The following WASF3 variants were observed in gnomAD, a reference collection of about 807,000 sequenced individuals.
The protein encoded by WASF3 is WASP family member 3.
A neutral mutation model predicts 46.6 loss-of-function variants in WASF3; 11 were observed. The observed-to-expected ratio is 0.24, with a 90% confidence interval of 0.15 to 0.39. The LOEUF (loss-of-function observed/expected upper bound fraction) is 0.39, where lower values mean the gene tolerates loss of function less well. WASF3 is among the 10% of genes least tolerant of loss of function. The pLI, the probability that WASF3 is intolerant of heterozygous loss-of-function variation, is 1.00. For synonymous variants in WASF3, 242 were observed against 259.7 expected (o/e 0.93, Z 0.65); for missense variants, 576 against 669.8 (o/e 0.86, Z 1.55).
At chr13:26,595,669 A>C (rs1003755780) in intron 1 of WASF3, among the ~76,000 whole-genome samples, 5 of 152,092 alleles carry the variant, frequency 3.3e-5, no homozygotes, top group Admixed American at 6.5e-5. Flanking sequence ...CAGCCATCCT[A>C]TTCCTTGTCC....
intron 2 of WASF3, among the ~76,000 whole-genome samples, chr13:26,622,201 G>T (rs1429055036): frequency 6.6e-6 from 1 of 152,138 alleles, no homozygotes; most frequent in East Asian, 1.9e-4. Flanking sequence ...CCAGCACATA[G>T]AAGAGAGAAT....
intron 1 of WASF3, among the ~76,000 whole-genome samples, chr13:26,564,168 C>A (rs1879386404): frequency 6.6e-6 from 1 of 152,202 alleles, no homozygotes; most frequent in African/African-American, 2.4e-5. Context: ...CATGACCAAG[C>A]TGCTGCCCTC....
chr13:26,554,096 C>CCTTCTTTCT, upstream of WASF3, among the ~76,000 whole-genome samples: 1 of 7,384 alleles, frequency 1.4e-4, no homozygotes, highest in East Asian at 5.6e-3. Flanking sequence ...TCCTTCCTTC[C>CCTTCTTTCT]TTCTTTCTTT....
chr13:26,622,688 T>A (rs1412446393), intron 2 of WASF3: 2 of 151,992 alleles, frequency 1.3e-5, no homozygotes, highest in East Asian at 3.9e-4. Flanking sequence ...GGAAGAAGAA[T>A]CACTTGAACC....
At chr13:26,671,768 G>A in intron 5 of WASF3, 104 bp from the exon 6 acceptor site, 2 of 740,498 alleles carry the variant, frequency 2.7e-6, no homozygotes, top group Non-Finnish European at 4.4e-6. Context: ...AGTGCCCCAT[G>A]TAGATGTTAT....
chr13:26,568,335 T>G (rs1879535621), intron 1 of WASF3, among the ~76,000 whole-genome samples: 1 of 152,086 alleles, frequency 6.6e-6, no homozygotes, highest in African/African-American at 2.4e-5. Context: ...GATGAATCAG[T>G]GGTTCCTGCC....
chr13:26,676,830 C>T, intron 7 of WASF3, 106 bp downstream of exon 7: 3 of 1,069,168 alleles, frequency 2.8e-6, no homozygotes, highest in East Asian at 2.7e-5. Context: ...TTTATATGGC[C>T]CTTGATGTCT....
At chr13:26,614,664 ATAGT>A (rs1566051491) in intron 2 of WASF3, among the ~76,000 whole-genome samples, 1 of 152,038 alleles carries the variant, frequency 6.6e-6, no homozygotes, top group Admixed American at 6.6e-5. Context: ...AAAAGGGGAG[ATAGT>A]TAAATTTTTT....
chr13:26,550,019 T>C, the WASF3 span, among the ~76,000 whole-genome samples: 12 of 152,174 alleles, frequency 7.9e-5, no homozygotes, highest in African/African-American at 2.7e-4. Context: ...TGTTGTACAT[T>C]TCTTTTAGGA....
intron 3 of WASF3, among the ~76,000 whole-genome samples, chr13:26,643,323 G>A (rs1353245797): frequency 5.3e-5 from 8 of 152,048 alleles, no homozygotes; most frequent in African/African-American, 1.9e-4. Flanking sequence ...CATATTGGTA[G>A]CCTCAAGCGA....
chr13:26,662,650 G>A (rs1252582570), intron 3 of WASF3, among the ~76,000 whole-genome samples: 2 of 152,224 alleles, frequency 1.3e-5, no homozygotes, highest in Non-Finnish European at 2.9e-5. Context: ...CTACTGGATG[G>A]GGAGAGAGGA....
chr13:26,560,679 G>A lies in WASF3; in HGVS notation c.-109+2860G>A, dbSNP rs79862529. Among the ~76,000 whole-genome samples the A allele has an allele frequency of 5.7e-3, 875 of 152,306 alleles. 11 individuals carry two copies. Among genetic ancestry groups the A allele is most frequent in the African/African-American group, 0.02 (835 of 41,556 alleles). On this transcript the variant is annotated intron_variant, in intron 1 of 9. Coordinates refer to ENST00000335327, the MANE Select transcript of WASF3 (RefSeq NM_006646.6). Reference sequence around the variant, plus strand: ...TCAGTAATCAGTGAGGGATGTAGGAGCCTCATGCATGACCTAATCCATTCA... The same window carrying A: ...TCAGTAATCAGTGAGGGATGTAGGAACCTCATGCATGACCTAATCCATTCA...
chr13:26,559,627 T>G (rs1879213957), intron 1 of WASF3, among the ~76,000 whole-genome samples: 1 of 152,118 alleles, frequency 6.6e-6, no homozygotes, highest in Non-Finnish European at 1.5e-5. Flanking sequence ...TTAAAACAAT[T>G]GCGTTATAAT....
At chr13:26,643,284 A>G (rs1209958406) in intron 3 of WASF3, among the ~76,000 whole-genome samples, 1 of 152,132 alleles carries the variant, frequency 6.6e-6, no homozygotes, top group Admixed American at 6.6e-5. Context: ...AACTCTGTTA[A>G]TAACTAGAAA....
At chr13:26,678,281 G>A (rs1380538387) in intron 7 of WASF3, among the ~76,000 whole-genome samples, 1 of 151,682 alleles carries the variant, frequency 6.6e-6, no homozygotes, top group Non-Finnish European at 1.5e-5. Context: ...TTACTACAGT[G>A]TGTCACTTTT....
chr13:26,582,153 A>G (rs1468826127), intron 1 of WASF3, among the ~76,000 whole-genome samples: 3 of 152,208 alleles, frequency 2.0e-5, no homozygotes, highest in Admixed American at 2.0e-4. Context: ...AAAGTAGGTT[A>G]TACATAAATG....
At chr13:26,562,092 C>T (rs563374467) in intron 1 of WASF3, among the ~76,000 whole-genome samples, 30 of 152,148 alleles carry the variant, frequency 2.0e-4, no homozygotes, top group East Asian at 3.8e-4. Context: ...TCCAAGGGTG[C>T]GGTGAACAGA....
At position 26,682,665 on chromosome 13, in the gene WASF3, C is replaced by T. The variant is rs1593189560; in HGVS notation, c.1042C>T (p.Pro348Ser). Residue 348 changes from proline to serine, a missense_variant, in exon 9 of 10, where the codon CCT becomes TCT. This residue lies in a region of WASF3 where 295 missense variants were observed against 291.5 expected (regional missense o/e 1.01). Transcript: ENST00000335327. This position sits in a 1 kb window ranked among gnomAD's most constrained non-coding sequence, Gnocchi z 4.4. Reference protein sequence around the residue: ...YNPSGPPPPPPPPVIPSAQTA... With the variant: ...YNPSGPPPPPSPPVIPSAQTA... ...CCCATCCGGACCACCTCCTCCGCCA[C>T]CTCCTCCTGTGATTCCCTCAGCACA... 6.2e-7 allele frequency: 1 copy of T among 1,614,134 alleles called. No individual in the cohort carries two copies. The highest frequency in any genetic ancestry group is 8.5e-7 in the Non-Finnish European group (1 of 1,180,024).
At chr13:26,649,723 A>T (rs1459547631) in intron 3 of WASF3, among the ~76,000 whole-genome samples, 1 of 152,188 alleles carries the variant, frequency 6.6e-6, no homozygotes, top group East Asian at 1.9e-4. Context: ...CCAGGTTCTT[A>T]CATTGAAGAT....
Sources: gnomAD v4.1 joint callset for allele counts (sites outside exome capture counted in the v4.1 genomes callset) on GRCh38, gnomAD v4.1.1 for gene constraint, gnomAD v4.1.1 regional missense constraint, Gnocchi (gnomAD v3.1) non-coding constraint, MANE v1.5 for transcripts, NCBI Gene and HGNC (gene_info 2026-07-23, HGNC 2026-07-21) for gene names.